Variants in BICD1 observed in about 807,000 individuals in gnomAD.
BICD1 encodes BICD cargo adaptor 1.
Under a neutral mutation model 92.5 loss-of-function variants are expected in BICD1, and 35 were observed. The observed-to-expected ratio is 0.38, with a 90% confidence interval of 0.29 to 0.50. The LOEUF (loss-of-function observed/expected upper bound fraction) is 0.50, where lower values mean the gene tolerates loss of function less well. Ranked by LOEUF, BICD1 falls within the 20% of genes least tolerant of loss-of-function variation. The pLI, the probability that BICD1 is intolerant of heterozygous loss-of-function variation, is 0.93. For synonymous variants in BICD1, 429 were observed against 465.1 expected (o/e 0.92, Z 1.00); for missense variants, 950 against 1,189.8 (o/e 0.80, Z 2.97).
intron 1 of BICD1, among the ~76,000 whole-genome samples, chr12:32,173,029 T>C (rs1326436203): frequency 6.6e-6 from 1 of 151,742 alleles, no homozygotes. Context: ...TCCCGCCCTG[T>C]TCAGGCAGAG....
intron 1 of BICD1, among the ~76,000 whole-genome samples, chr12:32,112,250 C>T (rs1164799593): frequency 6.6e-6 from 1 of 152,214 alleles, no homozygotes; most frequent in African/African-American, 2.4e-5. Flanking sequence ...AGGTGATCCG[C>T]CTGCCTCAGC....
At position 32,155,441 on chromosome 12, in the gene BICD1, C is replaced by T. The variant is rs142912147; in HGVS notation, c.213+47897C>T. On this transcript the variant is annotated intron_variant, in intron 1 of 9. Coordinates refer to ENST00000652176, the MANE Select transcript of BICD1 (RefSeq NM_001714.4). Reference sequence around the variant, plus strand: ...AGGATTTCAGCTAAATTTTTAAAATCATGATATCTAGTTCAGGCACTCATC... The same window carrying T: ...AGGATTTCAGCTAAATTTTTAAAATTATGATATCTAGTTCAGGCACTCATC... Among the ~76,000 whole-genome samples the T allele has an allele frequency of 8.3e-3, 1,265 of 152,310 alleles. 7 individuals carry two copies. The highest frequency in any genetic ancestry group is 0.013 in the Non-Finnish European group (891 of 68,026).
intron 4 of BICD1, among the ~76,000 whole-genome samples, chr12:32,322,306 T>C (rs1034011229): frequency 6.6e-6 from 1 of 152,178 alleles, no homozygotes; most frequent in African/African-American, 2.4e-5. Flanking sequence ...ACGTATTAAA[T>C]ATAGAAAGTA....
chr12:32,135,286 C>T (rs1367125249), intron 1 of BICD1, among the ~76,000 whole-genome samples: 1 of 150,858 alleles, frequency 6.6e-6, no homozygotes, highest in African/African-American at 2.4e-5. Context: ...TGGGCTTTCA[C>T]CATGTTGGCC....
chr12:32,296,731 G>A (rs1455265119), intron 3 of BICD1, among the ~76,000 whole-genome samples: 1 of 152,212 alleles, frequency 6.6e-6, no homozygotes, highest in Non-Finnish European at 1.5e-5. Context: ...TCCCTGGAGA[G>A]CCTTCCCTGA....
intron 1 of BICD1, among the ~76,000 whole-genome samples, chr12:32,203,092 A>T (rs1459418330): frequency 6.6e-6 from 1 of 152,208 alleles, no homozygotes; most frequent in East Asian, 1.9e-4. Flanking sequence ...CATCAGTGGG[A>T]TAGGAGGGGG....
At chr12:32,136,038 A>G (rs1403719077) in intron 1 of BICD1, among the ~76,000 whole-genome samples, 1 of 152,208 alleles carries the variant, frequency 6.6e-6, no homozygotes, top group Non-Finnish European at 1.5e-5. Context: ...ATATAGGAGT[A>G]CCTGGCATAT....
intron 2 of BICD1, among the ~76,000 whole-genome samples, chr12:32,261,124 A>G (rs531337880): frequency 1.3e-5 from 2 of 152,308 alleles, no homozygotes; most frequent in South Asian, 4.1e-4. Flanking sequence ...TTACCGAAGG[A>G]GGCCCAAGCT....
At chr12:32,142,453 C>CCTATCTATCTATCCTATCCTAT (rs772125865) in intron 1 of BICD1, among the ~76,000 whole-genome samples, 1,220 of 112,878 alleles carry the variant, frequency 0.011, 11 homozygotes, top group Non-Finnish European at 0.015. Context: ...ACCTATCTAT[C>CCTATCTATCTATCCTATCCTAT]CTATCTATCT....
At chr12:32,354,617 G>A (rs951397377) in intron 8 of BICD1, among the ~76,000 whole-genome samples, 1 of 152,140 alleles carries the variant, frequency 6.6e-6, no homozygotes, top group East Asian at 1.9e-4. Context: ...TATCATCTGT[G>A]GGTACTTTTA....
chr12:32,119,707 A>G (rs902500976), intron 1 of BICD1, among the ~76,000 whole-genome samples: 2 of 152,208 alleles, frequency 1.3e-5, no homozygotes, highest in African/African-American at 4.8e-5. Flanking sequence ...CCCCATCTCT[A>G]TTAAAAATAC....
At chr12:32,108,637 T>C in intron 1 of BICD1, 1 of 694,740 alleles carries the variant, frequency 1.4e-6, no homozygotes, top group Non-Finnish European at 2.6e-6. Flanking sequence ...TATTTTATGC[T>C]GTTACAGTTA....
chr12:32,111,662 C>A (rs190035624), intron 1 of BICD1, among the ~76,000 whole-genome samples: 5 of 151,972 alleles, frequency 3.3e-5, no homozygotes, highest in East Asian at 1.9e-4. Context: ...GCCTGGAGTG[C>A]GGTGGTGTGA....
At chr12:32,126,331 T>C (rs2121265655) in intron 1 of BICD1, among the ~76,000 whole-genome samples, 1 of 152,032 alleles carries the variant, frequency 6.6e-6, no homozygotes, top group African/African-American at 2.4e-5. Flanking sequence ...ACACCGAGTT[T>C]GTGTAGAAAG....
At chr12:32,210,453 C>A (rs774311727) in intron 1 of BICD1, among the ~76,000 whole-genome samples, 2 of 152,018 alleles carry the variant, frequency 1.3e-5, no homozygotes, top group Non-Finnish European at 2.9e-5. Context: ...TACGAAATTT[C>A]TGTTTATCAA....
In BICD1 at chr12:32,308,893, G is replaced by C. The variant is rs546256468; in HGVS notation, c.1005+2771G>C. Among the ~76,000 whole-genome samples the C allele has an allele frequency of 5.9e-5, 9 of 152,238 alleles. 1 individual carries two copies. In the South Asian group the frequency reaches 1.9e-3, roughly 32 times the overall value. On this transcript the variant is annotated intron_variant, in intron 4 of 9. Coordinates refer to ENST00000652176, the MANE Select transcript of BICD1 (RefSeq NM_001714.4). ...TATCCCAAAGTTTGCTCCAGATTTA[G>C]TTGTGAAAACCAGGTTCAACACAGG...
At chr12:32,146,414 T>C (rs1943104235) in intron 1 of BICD1, among the ~76,000 whole-genome samples, 1 of 151,864 alleles carries the variant, frequency 6.6e-6, no homozygotes, top group Admixed American at 6.6e-5. Flanking sequence ...TAAAGGGAAC[T>C]ATGGTCAAGT....
intron 1 of BICD1, among the ~76,000 whole-genome samples, chr12:32,179,777 G>A (rs1437878903): frequency 2.6e-5 from 4 of 151,780 alleles, no homozygotes; most frequent in Admixed American, 1.3e-4. Context: ...GATCACTTGA[G>A]GTCAGGAGTT....
At chr12:32,357,012 CTTT>C (rs35643247) in intron 8 of BICD1, among the ~76,000 whole-genome samples, 4 of 129,546 alleles carry the variant, frequency 3.1e-5, no homozygotes, top group Admixed American at 8.3e-5. Flanking sequence ...GATTCTCCTG[CTTT>C]TTTTTTTTTT....
Sources: allele counts gnomAD v4.1 joint callset (sites outside exome capture counted in the v4.1 genomes callset), GRCh38; gene constraint gnomAD v4.1.1; transcripts MANE v1.5; gene names NCBI Gene and HGNC (gene_info 2026-07-23, HGNC 2026-07-21).